RAB27B: variants seen among roughly 807,000 people sequenced by gnomAD.
RAB27B encodes the protein ras-related protein Rab-27B.
A neutral mutation model predicts 24.6 loss-of-function variants in RAB27B; 15 were observed. The observed-to-expected ratio is 0.61, with a 90% CI of 0.41 to 0.94. RAB27B has a LOEUF of 0.94. Among genes scored for constraint, RAB27B ranks in the 40% least tolerant of loss-of-function variants. The pLI is 0.00. For missense variants in RAB27B, 261 were observed against 266.8 expected (o/e 0.98, Z 0.15); for synonymous variants, 105 against 92.5 (o/e 1.14, Z -0.78).
intron 2 of RAB27B, among the ~76,000 whole-genome samples, chr18:54,762,605 G>C (rs1908226814): frequency 6.6e-6 from 1 of 152,092 alleles, no homozygotes; most frequent in African/African-American, 2.4e-5. Context: ...CCTCTCTTGG[G>C]AGTATCTTTC....
chr18:54,843,597 C>T (rs563328000), intron 1 of RAB27B, among the ~76,000 whole-genome samples: 7 of 152,240 alleles, frequency 4.6e-5, no homozygotes, highest in South Asian at 2.1e-4. Context: ...TGGTGTGTTC[C>T]GGCTGCATAT....
At chr18:54,732,717 A>G (rs1909764993) in intron 2 of RAB27B, among the ~76,000 whole-genome samples, 1 of 152,186 alleles carries the variant, frequency 6.6e-6, no homozygotes, top group African/African-American at 2.4e-5. Context: ...ATCAATTTTA[A>G]AAACAAATAT....
intron 2 of RAB27B, among the ~76,000 whole-genome samples, chr18:54,751,237 G>A (rs1279270517): frequency 6.6e-6 from 1 of 152,158 alleles, no homozygotes; most frequent in Non-Finnish European, 1.5e-5. Flanking sequence ...GTAGCAGAGA[G>A]ATATAAAGGA....
At chr18:54,739,537 T>C (rs1406021366) in intron 2 of RAB27B, among the ~76,000 whole-genome samples, 2 of 148,620 alleles carry the variant, frequency 1.3e-5, no homozygotes, top group African/African-American at 5.0e-5. Flanking sequence ...AAATTCTTTC[T>C]TTCTTTTTTT....
rs1443645913 is a variant in RAB27B, at chr18:54,724,909, TCTTA to T, written c.-20+6773_-20+6776del. Reference sequence around the variant, plus strand: ...CAGAATGGTTAAGAGTAAACTTGATTCTTACTTATGATCTGTTGTTAACAATTTG... The same window carrying T: ...CAGAATGGTTAAGAGTAAACTTGATTCTTATGATCTGTTGTTAACAATTTG... On this transcript the variant is annotated intron_variant, in intron 2 of 4. Coordinates refer to the RAB27B transcript ENST00000586570. Among the ~76,000 whole-genome samples the T allele has an allele frequency of 5.9e-5, 9 of 151,558 alleles. 1 individual carries two copies. The highest frequency in any genetic ancestry group is 1.7e-4 in the African/African-American group (7 of 41,314).
At chr18:54,888,860 A>G (rs1256766473) in intron 5 of RAB27B, among the ~76,000 whole-genome samples, 2 of 152,166 alleles carry the variant, frequency 1.3e-5, no homozygotes, top group Non-Finnish European at 2.9e-5. Flanking sequence ...AGATTTCCAG[A>G]TAATTGAGTG....
chr18:54,794,222 AT>A, intron 2 of RAB27B, among the ~76,000 whole-genome samples: 1 of 152,362 alleles, frequency 6.6e-6, no homozygotes, highest in Admixed American at 6.5e-5. Context: ...AGTAGCTATT[AT>A]AGCACCCTGA....
chr18:54,765,486 G>A (rs990074415), intron 2 of RAB27B, among the ~76,000 whole-genome samples: 4 of 152,080 alleles, frequency 2.6e-5, no homozygotes, highest in African/African-American at 9.7e-5. Context: ...CTTGTGCCAG[G>A]CACTTTGATT....
chr18:54,744,940 A>G (rs9945508), intron 2 of RAB27B: 12,314 of 204,622 alleles, frequency 0.06, 486 homozygotes, highest in Admixed American at 0.11. Flanking sequence ...GGCTCATGCC[A>G]TCATCACTGT....
intron 1 of RAB27B, among the ~76,000 whole-genome samples, chr18:54,857,746 C>T (rs1911842582): frequency 6.6e-6 from 1 of 152,192 alleles, no homozygotes; most frequent in African/African-American, 2.4e-5. Context: ...CACATGCTCT[C>T]ATTATGACCC....
chr18:54,799,889 G>T (rs191031336), intron 2 of RAB27B, among the ~76,000 whole-genome samples: 2 of 151,924 alleles, frequency 1.3e-5, no homozygotes, highest in Admixed American at 6.6e-5. Flanking sequence ...CTTGTGATCC[G>T]CCTGCCTCAG....
intron 2 of RAB27B, among the ~76,000 whole-genome samples, chr18:54,725,000 T>C (rs1329979664): frequency 6.6e-6 from 1 of 151,586 alleles, no homozygotes; most frequent in African/African-American, 2.4e-5. Context: ...AGAACTTTTC[T>C]AGACCAATAG....
At chr18:54,865,237 T>TTGTGTGTGTGTG (rs3060044) in intron 1 of RAB27B, among the ~76,000 whole-genome samples, 2,132 of 143,410 alleles carry the variant, frequency 0.015, 26 homozygotes, top group South Asian at 0.043. Context: ...CAATGGCCTT[T>TTGTGTGTGTGTG]TGTGTGTGTG....
chr18:54,757,479 A>G (rs1908043652), intron 2 of RAB27B, among the ~76,000 whole-genome samples: 1 of 152,232 alleles, frequency 6.6e-6, no homozygotes, highest in African/African-American at 2.4e-5. Context: ...ACAATTGCAT[A>G]ATAGTAACAA....
At chr18:54,804,436 T>A (rs1324110755) in intron 2 of RAB27B, among the ~76,000 whole-genome samples, 1 of 152,236 alleles carries the variant, frequency 6.6e-6, no homozygotes, top group African/African-American at 2.4e-5. Flanking sequence ...TTTCTCTTGC[T>A]GCCACCAAGT....
At chr18:54,728,563 G>C (rs1267012293) in intron 2 of RAB27B, among the ~76,000 whole-genome samples, 1 of 152,078 alleles carries the variant, frequency 6.6e-6, no homozygotes, top group African/African-American at 2.4e-5. Flanking sequence ...AGTTCTTTGA[G>C]TGGAAGGGAA....
intron 1 of RAB27B, among the ~76,000 whole-genome samples, chr18:54,833,902 A>C (rs1427559538): frequency 2.0e-5 from 3 of 152,226 alleles, no homozygotes; most frequent in African/African-American, 7.2e-5. Context: ...TGGAGGCACC[A>C]ATGGGGAAGA....
chr18:54,727,337 T>C (rs1420720084), intron 2 of RAB27B, among the ~76,000 whole-genome samples: 1 of 151,512 alleles, frequency 6.6e-6, no homozygotes, highest in East Asian at 1.9e-4. Flanking sequence ...CACAGAACAG[T>C]AGAGAGTCAG....
intron 2 of RAB27B, among the ~76,000 whole-genome samples, chr18:54,739,127 T>C (rs1020123007): frequency 1.6e-4 from 25 of 152,296 alleles, no homozygotes; most frequent in Admixed American, 3.3e-4. Flanking sequence ...TCATTTTAAT[T>C]TATTAGTACT....
Sources: gnomAD v4.1 joint callset for allele counts (sites outside exome capture counted in the v4.1 genomes callset) on GRCh38, gnomAD v4.1.1 for gene constraint, MANE v1.5 for transcripts, NCBI Gene and HGNC (gene_info 2026-07-23, HGNC 2026-07-21) for gene names.